Variants in CHODL observed in about 807,000 individuals in gnomAD.
CHODL encodes the protein chondrolectin, also known as transmembrane protein MT75.
CHODL carries 29 observed loss-of-function variants against 34.5 expected under a neutral mutation model. The observed-to-expected ratio is 0.84, with a 90% CI of 0.63 to 1.15. CHODL has a LOEUF of 1.15. Among genes scored for constraint, CHODL ranks in the 50% most tolerant of loss-of-function variants. The pLI, the probability that CHODL is intolerant of heterozygous loss-of-function variation, is 0.00. For missense variants in CHODL, 332 were observed against 332.5 expected, an observed-to-expected ratio of 1.00 and a Z score of 0.01; for synonymous variants, 125 against 116.1, an observed-to-expected ratio of 1.08 and a Z score of -0.49.
chr21:18,195,634 A>G (rs1450491386), intron 2 of CHODL, among the ~76,000 whole-genome samples: 4 of 152,086 alleles, frequency 2.6e-5, no homozygotes, highest in African/African-American at 9.7e-5. Context: ...ATATGACAGA[A>G]TTTCTGTATT....
chr21:18,180,050 T>C (rs948907912), intron 2 of CHODL, among the ~76,000 whole-genome samples: 3 of 152,168 alleles, frequency 2.0e-5, no homozygotes, highest in African/African-American at 7.2e-5. Context: ...TATAGTATTG[T>C]TGTAGGGATT....
rs71318121 is a variant in CHODL, at chr21:18,060,709, CAAA to C, written c.-45+32750_-45+32752del. Among the ~76,000 whole-genome samples, 246 of 121,332 alleles carry C rather than the reference CAAA, an allele frequency of 2.0e-3. 3 individuals are homozygous for C. The highest frequency in any genetic ancestry group is 7.8e-3 in the African/African-American group (240 of 30,758). The allele number at this position is 121,332 out of a possible 152,430, so 79.6% of individuals were successfully genotyped here. A position where few individuals can be genotyped will look rare whatever the true frequency, so the allele number is the denominator to read the frequency against. ...CAGTAGTAAATCTTACTCCTCGGACCAAAAAAAAAAAAAAGAAAGCAAGCAGAA... is the reference window on the plus strand; with the variant it reads ...CAGTAGTAAATCTTACTCCTCGGACCAAAAAAAAAAAGAAAGCAAGCAGAA... On this transcript the variant is annotated intron_variant, in intron 2 of 6. Transcript: ENST00000400127.
chr21:18,109,616 A>C (rs528029124), intron 2 of CHODL, among the ~76,000 whole-genome samples: 1 of 152,180 alleles, frequency 6.6e-6, no homozygotes, highest in East Asian at 1.9e-4. Context: ...TCTTTTTTAC[A>C]TGCTTGTTTT....
intron 2 of CHODL, among the ~76,000 whole-genome samples, chr21:18,179,054 A>C (rs2073350303): frequency 6.6e-6 from 1 of 152,206 alleles, no homozygotes; most frequent in Admixed American, 6.5e-5. Flanking sequence ...ATTGTTAAAA[A>C]GAAAGCTAAC....
chr21:18,236,270 A>G (rs918321268), intron 2 of CHODL, among the ~76,000 whole-genome samples: 5 of 152,090 alleles, frequency 3.3e-5, no homozygotes, highest in African/African-American at 1.2e-4. Context: ...TACTTACATC[A>G]TGAGACTAGC....
At position 18,002,474 on chromosome 21, in the gene CHODL, C is replaced by T. The variant is rs115179409; in HGVS notation, c.-144-25398C>T. On this transcript the variant is annotated intron_variant, in intron 1 of 6. Coordinates refer to the CHODL transcript ENST00000400127. The stretch of plus-strand genomic sequence containing the variant: ...AAAAACATTTACTTTTAATTTTAAA[C>T]CTTTTTGTCACATGCTGGCTTTGAA... 8.3e-3 allele frequency among the ~76,000 whole-genome samples: 1,270 copies of T among 152,252 alleles called. 18 individuals are homozygous for T. The highest frequency in any genetic ancestry group is 0.03 in the African/African-American group (1,234 of 41,550).
chr21:17,974,919 T>TTATA (rs886082324), intron 1 of CHODL, among the ~76,000 whole-genome samples: 1 of 147,950 alleles, frequency 6.8e-6, no homozygotes, highest in South Asian at 2.1e-4. Context: ...AAAATGTACT[T>TTATA]TATATATATA....
chr21:17,925,634 T>C (rs1053931562), intron 1 of CHODL, among the ~76,000 whole-genome samples: 5 of 152,254 alleles, frequency 3.3e-5, no homozygotes, highest in Admixed American at 2.6e-4. Context: ...GAACTTAGTA[T>C]GTTAACATCC....
chr21:18,064,532 T>C (rs2064707458), intron 2 of CHODL, among the ~76,000 whole-genome samples: 1 of 152,216 alleles, frequency 6.6e-6, no homozygotes, highest in Non-Finnish European at 1.5e-5. Flanking sequence ...GGGACATTGG[T>C]CTTTTCCTGC....
chr21:18,203,237 A>G (rs1243831827), intron 2 of CHODL, among the ~76,000 whole-genome samples: 2 of 152,186 alleles, frequency 1.3e-5, no homozygotes, highest in Non-Finnish European at 2.9e-5. Flanking sequence ...ACAAGCAAAG[A>G]TCTGTAGGAA....
chr21:18,110,416 A>T (rs1206455980), intron 2 of CHODL, among the ~76,000 whole-genome samples: 2 of 152,160 alleles, frequency 1.3e-5, no homozygotes, highest in Non-Finnish European at 2.9e-5. Context: ...GTTGTCTAGC[A>T]TATGAGGCTG....
intron 1 of CHODL, among the ~76,000 whole-genome samples, chr21:18,248,121 C>T (rs1039700525): frequency 4.6e-5 from 7 of 151,514 alleles, no homozygotes; most frequent in African/African-American, 1.7e-4. Flanking sequence ...TTCTCCAGGA[C>T]ACTTTAATAT....
intron 2 of CHODL, among the ~76,000 whole-genome samples, chr21:18,055,283 C>T (rs767481033): frequency 3.9e-5 from 6 of 152,122 alleles, no homozygotes; most frequent in Middle Eastern, 3.4e-3. Flanking sequence ...ACCCTTATGT[C>T]CCCCTACTGA....
At chr21:18,259,986 T>A (rs1442094769) in intron 3 of CHODL, among the ~76,000 whole-genome samples, 3 of 152,224 alleles carry the variant, frequency 2.0e-5, no homozygotes, top group South Asian at 2.1e-4. Context: ...GGAGAACATA[T>A]CAACTCCATC....
chr21:18,202,216 T>C (rs1274281956), intron 2 of CHODL, among the ~76,000 whole-genome samples: 1 of 152,216 alleles, frequency 6.6e-6, no homozygotes, highest in Non-Finnish European at 1.5e-5. Flanking sequence ...GGATAGTTTC[T>C]GAAATTAATC....
rs188303681 is a variant in CHODL, at chr21:17,976,241, A to C, written c.-144-51631A>C. On this transcript the variant is annotated intron_variant, in intron 1 of 6. Coordinates refer to the CHODL transcript ENST00000400127. The stretch of plus-strand genomic sequence containing the variant: ...AGCCGAGATTGCACCATTGCACTCC[A>C]ACCTGGGTGACACAGTGAGACCATC... Among the ~76,000 whole-genome samples the C allele has an allele frequency of 4.7e-3, 525 of 112,184 alleles. 3 individuals carry two copies. Among genetic ancestry groups the C allele is most frequent in the Middle Eastern group, 0.011 (2 of 186 alleles). The allele number at this position is 112,184 out of a possible 152,430, so 73.6% of individuals were successfully genotyped here. A position where few individuals can be genotyped will look rare whatever the true frequency, so the allele number is the denominator to read the frequency against.
At chr21:18,132,551 C>T in intron 2 of CHODL, among the ~76,000 whole-genome samples, 1 of 152,078 alleles carries the variant, frequency 6.6e-6, no homozygotes, top group East Asian at 1.9e-4. Flanking sequence ...ATGCCAGGAA[C>T]AAGTTTCTAT....
chr21:18,038,764 G>C (rs981120356), intron 2 of CHODL, among the ~76,000 whole-genome samples: 2 of 151,614 alleles, frequency 1.3e-5, no homozygotes, highest in African/African-American at 4.8e-5. Context: ...GATAGTTTCT[G>C]TATCATTAAA....
At chr21:17,993,043 T>C (rs1006494890) in intron 1 of CHODL, among the ~76,000 whole-genome samples, 1 of 152,174 alleles carries the variant, frequency 6.6e-6, no homozygotes, top group Non-Finnish European at 1.5e-5. Flanking sequence ...TTAATTTCCT[T>C]CCATTTCCTC....
Sources: allele counts gnomAD v4.1 joint callset (sites outside exome capture counted in the v4.1 genomes callset), GRCh38; gene constraint gnomAD v4.1.1; transcripts MANE v1.5; gene names NCBI Gene and HGNC (gene_info 2026-07-23, HGNC 2026-07-21).